The following DCLK1 variants were observed in gnomAD, a reference collection of about 807,000 sequenced individuals.
DCLK1 encodes serine/threonine-protein kinase DCLK1.
In DCLK1, 16 loss-of-function variants were observed where a neutral mutation model predicts 86.2. The observed-to-expected ratio is 0.19, with a 90% CI of 0.13 to 0.28. The LOEUF (loss-of-function observed/expected upper bound fraction) is 0.28, where lower values mean the gene tolerates loss of function less well. DCLK1 is among the 10% of genes least tolerant of loss of function. The probability of loss-of-function intolerance (pLI) is 1.00; values close to 1 mark genes in which losing one functional copy is unlikely to be tolerated. For missense variants in DCLK1, 590 were observed against 940.2 expected (o/e 0.63, Z 4.87); for synonymous variants, 369 against 370.5 (o/e 1.00, Z 0.05).
chr13:35,842,032 G>A (rs1006972832), intron 6 of DCLK1, among the ~76,000 whole-genome samples: 2 of 151,498 alleles, frequency 1.3e-5, no homozygotes, highest in Non-Finnish European at 2.9e-5. Context: ...CATCATTAAT[G>A]GGAGGCAAAA....
intron 4 of DCLK1, among the ~76,000 whole-genome samples, chr13:35,874,614 T>A (rs182153732): frequency 2.9e-4 from 44 of 151,778 alleles, no homozygotes; most frequent in African/African-American, 8.5e-4. Context: ...TTCTGTTTTT[T>A]AAAAAAAAGA....
At chr13:35,827,818 AGTACAACTATACTAT>A in intron 9 of DCLK1, 64 bp from the exon 10 acceptor site, 1 of 1,587,640 alleles carries the variant, frequency 6.3e-7, no homozygotes, top group Non-Finnish European at 8.6e-7. Flanking sequence ...AACTCAAATG[AGTACAACTATACTAT>A]GTAAGGGTCA....
chr13:35,780,544 T>G (rs766606971), intron 16 of DCLK1, among the ~76,000 whole-genome samples: 3 of 152,232 alleles, frequency 2.0e-5, no homozygotes, highest in Non-Finnish European at 4.4e-5. Context: ...ACTTCAGATA[T>G]GTGCACAATA....
intron 3 of DCLK1, among the ~76,000 whole-genome samples, chr13:36,064,541 C>A (rs1593858283): frequency 6.6e-6 from 1 of 152,048 alleles, no homozygotes; most frequent in East Asian, 1.9e-4. Context: ...TGCCTATAAT[C>A]CCAGCTACTT....
At chr13:36,087,968 G>T (rs912720125) in intron 3 of DCLK1, among the ~76,000 whole-genome samples, 2 of 152,218 alleles carry the variant, frequency 1.3e-5, no homozygotes, top group Non-Finnish European at 2.9e-5. Context: ...CATGAGCATA[G>T]GATGCTCTGG....
At chr13:35,813,314 AAC>A (rs1593616947) in intron 11 of DCLK1, among the ~76,000 whole-genome samples, 1 of 152,092 alleles carries the variant, frequency 6.6e-6, no homozygotes, top group East Asian at 1.9e-4. Context: ...TTTTTTCTTA[AAC>A]ACAGTATCTA....
At chr13:35,829,451 A>T (rs1197364142) in intron 8 of DCLK1, among the ~76,000 whole-genome samples, 8 of 152,198 alleles carry the variant, frequency 5.3e-5, no homozygotes, top group Admixed American at 1.3e-4. Context: ...AATGAGGTTA[A>T]TTAAGAACAT....
chr13:36,108,760 C>T (rs1442251717), intron 3 of DCLK1, among the ~76,000 whole-genome samples: 1 of 152,166 alleles, frequency 6.6e-6, no homozygotes, highest in African/African-American at 2.4e-5. Flanking sequence ...ACTGGAATTC[C>T]CATATTGTTT....
chr13:36,060,572 T>C (rs1883505549), intron 3 of DCLK1, among the ~76,000 whole-genome samples: 1 of 152,212 alleles, frequency 6.6e-6, no homozygotes, highest in Non-Finnish European at 1.5e-5. Flanking sequence ...TCCTAGCGTG[T>C]GTGTTGACTG....
intron 4 of DCLK1, among the ~76,000 whole-genome samples, chr13:35,937,995 C>T (rs887207696): frequency 2.6e-5 from 4 of 151,756 alleles, no homozygotes; most frequent in Non-Finnish European, 1.5e-5. Context: ...AAAAAATCCA[C>T]GAAACAGTAG....
In DCLK1 at chr13:35,981,887, A is replaced by G. The variant is rs531498697; in HGVS notation, c.724-34430T>C. Reference sequence around the variant, plus strand: ...TCACCCTCTTTTCCATGGTGGCTGCACCATTTTGCATTCCCATCAACAGTG... The same window carrying G: ...TCACCCTCTTTTCCATGGTGGCTGCGCCATTTTGCATTCCCATCAACAGTG... On this transcript the variant is annotated intron_variant, in intron 3 of 16. Transcript: ENST00000360631. Among the ~76,000 whole-genome samples the G allele has an allele frequency of 5.3e-5, 8 of 152,266 alleles. No individual in the cohort carries two copies. The South Asian group carries it at 1.0e-3, about 20-fold the overall frequency.
At chr13:35,988,107 C>A (rs1046317239) in intron 3 of DCLK1, among the ~76,000 whole-genome samples, 5 of 152,198 alleles carry the variant, frequency 3.3e-5, no homozygotes, top group African/African-American at 1.2e-4. Context: ...CCTGATGGGG[C>A]TGGAAGACCC....
chr13:35,826,342 G>A (rs2153105730), intron 10 of DCLK1, among the ~76,000 whole-genome samples: 1 of 150,490 alleles, frequency 6.6e-6, no homozygotes, highest in Admixed American at 6.6e-5. Context: ...TGACCAACAT[G>A]GAGAAATCCC....
At chr13:35,891,081 G>A (rs1873616696) in intron 4 of DCLK1, among the ~76,000 whole-genome samples, 2 of 151,790 alleles carry the variant, frequency 1.3e-5, no homozygotes, top group Admixed American at 6.6e-5. Context: ...ATTAATTACT[G>A]TAAGGAGACT....
intron 3 of DCLK1, among the ~76,000 whole-genome samples, chr13:36,023,262 C>T (rs939943904): frequency 3.9e-5 from 6 of 152,170 alleles, no homozygotes; most frequent in African/African-American, 1.4e-4. Flanking sequence ...GAGACTGGCA[C>T]GTTCAAATCT....
rs567152621 is a variant in DCLK1, at chr13:35,917,039, C to T, written c.823+30319G>A. 3.1e-3 allele frequency among the ~76,000 whole-genome samples: 474 copies of T among 152,332 alleles called. 3 individuals are homozygous for T. Among genetic ancestry groups the T allele is most frequent in the African/African-American group, 0.011 (451 of 41,566 alleles). On this transcript the variant is annotated intron_variant, in intron 4 of 16. Transcript: ENST00000360631. ...AAGACACAGGGCCACAGAGAAGAAT[C>T]TGAACAAACAGGCCTTGCTTAACCC...
intron 4 of DCLK1, among the ~76,000 whole-genome samples, chr13:35,945,552 T>C (rs367972613): frequency 2.6e-5 from 4 of 152,310 alleles, no homozygotes; most frequent in African/African-American, 9.6e-5. Context: ...CTGTTTTCTA[T>C]ATCAAAGCAA....
intron 3 of DCLK1, among the ~76,000 whole-genome samples, chr13:36,086,519 T>C (rs904145108): frequency 6.0e-5 from 9 of 150,432 alleles, no homozygotes; most frequent in African/African-American, 1.2e-4. Context: ...GTTTGTTACA[T>C]AGGTATACAT....
chr13:35,831,341 A>T (rs2153106712), intron 8 of DCLK1, among the ~76,000 whole-genome samples: 1 of 152,332 alleles, frequency 6.6e-6, no homozygotes, highest in Non-Finnish European at 1.5e-5. Context: ...GGTTTATAGG[A>T]AAGTAGCTAG....
Sources: allele counts gnomAD v4.1 joint callset (sites outside exome capture counted in the v4.1 genomes callset), GRCh38; gene constraint gnomAD v4.1.1; transcripts MANE v1.5; gene names NCBI Gene and HGNC (gene_info 2026-07-23, HGNC 2026-07-21).